Variants in SPTBN5 observed in about 807,000 individuals in gnomAD.
SPTBN5 encodes the protein spectrin beta, non-erythrocytic 5, also known as spectrin beta chain, non-erythrocytic 5.
SPTBN5 carries 513 observed loss-of-function variants against 477.6 expected under a neutral mutation model. That is an observed-to-expected ratio of 1.07 (90% CI 1.00 to 1.16). The LOEUF (loss-of-function observed/expected upper bound fraction) is 1.16. SPTBN5 is among the 50% of genes most tolerant of loss of function. The pLI, the probability that SPTBN5 is intolerant of heterozygous loss-of-function variation, is 0.00. For missense variants in SPTBN5, 5,062 were observed against 4,731.8 expected (o/e 1.07, Z -2.05); for synonymous variants, 2,169 against 2,011.7 (o/e 1.08, Z -2.09).
At chr15:41,893,589 C>T in intron 1 of SPTBN5, 43 bp from the exon 2 acceptor site, 1 of 1,494,370 alleles carries the variant, frequency 6.7e-7, no homozygotes, top group South Asian at 1.3e-5. Flanking sequence ...ATGGAGATGG[C>T]CCCTCTACCA....
At position 41,855,398 on chromosome 15, in the gene SPTBN5, A is replaced by C. The variant is rs746370579; in HGVS notation, c.9249T>G (p.Val3083=). Reference sequence around the variant, plus strand: ...GCAGCAGCTCTGCGTGGGCCTCCCGAACTGCCTGCAGCTGGGCTAGCACCT... The same window carrying C: ...GCAGCAGCTCTGCGTGGGCCTCCCGCACTGCCTGCAGCTGGGCTAGCACCT... The part of the protein sequence containing the change: ...SPKVLAQLQA[V]REAHAELLRR... The change falls in exon 55 of 68, where the codon GTT becomes GTG. Residue 3083 remains valine, a synonymous_variant. Transcript: ENST00000320955. 2.5e-6 allele frequency: 4 copies of C among 1,604,144 alleles called. No homozygotes were observed. The highest frequency in any genetic ancestry group is 3.4e-6 in the Non-Finnish European group (4 of 1,178,872).
At position 41,877,273 on chromosome 15, in the gene SPTBN5, A is replaced by C. The variant is rs1045270209; in HGVS notation, c.3554T>G (p.Val1185Gly). 1.2e-6 allele frequency: 2 copies of C among 1,613,740 alleles called. No homozygotes were observed. Among genetic ancestry groups the C allele is most frequent in the Admixed American group, 3.3e-5 (2 of 59,998 alleles). The change falls in exon 18 of 68, where the codon GTC becomes GGC. Residue 1185 changes from valine (V) to glycine (G), a missense_variant. Val to Gly is a moderately radical substitution (Grantham distance 109). Transcript: ENST00000320955. ...CAGCTCCTGGCCCTGCTGCCCCAGG[A>C]CCCTCAGAGTGTTGGGCACCTCTTG... is the stretch of plus-strand genomic sequence containing the variant. Reference protein sequence around the residue: ...DSQEVPNTLRVLGQQGQELKV... With the variant: ...DSQEVPNTLRGLGQQGQELKV...
chr15:41,861,042 G>A (rs1247464560), intron 46 of SPTBN5, among the ~76,000 whole-genome samples: 1 of 152,264 alleles, frequency 6.6e-6, no homozygotes, highest in Non-Finnish European at 1.5e-5. Context: ...GGAGGACCAT[G>A]TTAGTCCCCA....
chr15:41,858,496 G>A, intron 49 of SPTBN5, 106 bp downstream of exon 49: 1 of 1,360,596 alleles, frequency 7.3e-7, no homozygotes, highest in African/African-American at 1.4e-5. Flanking sequence ...AGAAAGTACT[G>A]GATAACGCTG....
At chr15:41,852,039 T>C (rs938006712) in intron 62 of SPTBN5, 143 bp downstream of exon 62, 6 of 1,081,602 alleles carry the variant, frequency 5.5e-6, no homozygotes, top group East Asian at 2.5e-5. Flanking sequence ...CAGCCATCTT[T>C]ATTCCTAATG....
At chr15:41,887,155 G>A (rs1053329258) in intron 6 of SPTBN5, 58 bp downstream of exon 6, 15 of 1,486,754 alleles carry the variant, frequency 1.0e-5, no homozygotes, top group Admixed American at 2.0e-5. Flanking sequence ...CAGGCTTCAC[G>A]CTTAGGCCTG....
intron 6 of SPTBN5, among the ~76,000 whole-genome samples, chr15:41,886,923 C>A (rs768271463): frequency 1.3e-5 from 2 of 152,248 alleles, no homozygotes; most frequent in Non-Finnish European, 2.9e-5. Context: ...CCATTAGAAG[C>A]TTAATAGCCC....
At chr15:41,861,977 G>A in intron 44 of SPTBN5, 54 bp from the exon 45 acceptor site, 2 of 1,558,734 alleles carry the variant, frequency 1.3e-6, no homozygotes, top group South Asian at 2.3e-5. Flanking sequence ...CCAGCAGGCA[G>A]GAGAGAGGTG....
chr15:41,858,053 T>C (rs1212446020), intron 49 of SPTBN5, among the ~76,000 whole-genome samples: 2 of 152,166 alleles, frequency 1.3e-5, no homozygotes, highest in Non-Finnish European at 2.9e-5. Flanking sequence ...TCCCAGCACT[T>C]TGGGAGGCTG....
chr15:41,893,101 C>CCA (rs374427556), intron 2 of SPTBN5, 40 bp from the exon 3 acceptor site: 1 of 1,597,222 alleles, frequency 6.3e-7, no homozygotes, highest in Admixed American at 1.7e-5. Context: ...TCAGCCCAGC[C>CCA]TCACCTGTCC....
rs1415599489 is a variant in SPTBN5 at position 41,876,550 on chromosome 15, G to A, written c.3949C>T (p.Gln1317Ter). ...GCGACCTGGGCCCAGACCCTCACCT[G>A]GAGCTGGAGGGAAGCCAGCAACTGC... ...RRQLLASLQL[Q>*]EWKQDVAELM... Residue 1317 changes from glutamine (Q) to a stop codon, truncating the protein, a stop_gained and splice_region_variant, in exon 20 of 68, where the codon CAG becomes TAG. Coordinates refer to ENST00000320955, the MANE Select transcript of SPTBN5 (RefSeq NM_016642.4). LOFTEE classifies it high-confidence loss of function. The A allele has an allele frequency of 1.3e-6, 2 of 1,593,482 alleles. No homozygotes were observed. The highest frequency in any genetic ancestry group is 1.8e-5 in the Admixed American group (1 of 57,004).
intron 8 of SPTBN5, 43 bp downstream of exon 8, chr15:41,883,305 C>T (rs1249793677): frequency 1.2e-6 from 2 of 1,608,682 alleles, no homozygotes; most frequent in East Asian, 2.2e-5. Flanking sequence ...GGAAGTCCCC[C>T]ACCTTGCTGT....
Position 41,883,202 on chromosome 15 carries a change from C to T in SPTBN5, c.1686G>A (p.Gly562=), listed in dbSNP as rs1446956948. 6.2e-7 allele frequency: 1 copy of T among 1,611,842 alleles called. No individual in the cohort carries two copies. The highest frequency in any genetic ancestry group is 8.5e-7 in the Non-Finnish European group (1 of 1,179,380). Residue 562 remains glycine, a synonymous_variant, in exon 9 of 68, where the codon GGG becomes GGA. Coordinates refer to ENST00000320955, the MANE Select transcript of SPTBN5 (RefSeq NM_016642.4). ...LQEPARSTAC[G]QQLAEVVELL... is the part of the protein sequence containing the mutation. ...GCTCCACCACTTCTGCCAGCTGCTGCCCACAGGCGGTGGACCTGGCCGGCT... is the reference window on the plus strand; with the variant it reads ...GCTCCACCACTTCTGCCAGCTGCTGTCCACAGGCGGTGGACCTGGCCGGCT...
At position 41,892,878 on chromosome 15, in the gene SPTBN5, T is replaced by C; in HGVS notation, c.384+16A>G. The C allele has an allele frequency of 6.3e-7, 1 of 1,583,874 alleles. No individual in the cohort carries two copies. On this transcript the variant is annotated intron_variant, in intron 3 of 67. Coordinates refer to ENST00000320955, the MANE Select transcript of SPTBN5 (RefSeq NM_016642.4). ...CTGCCCCAGCACCATCCCAGACCCC[T>C]TTCCCTGGGGCCCACCTTGGCCCTG... is the stretch of plus-strand genomic sequence containing the variant.
In SPTBN5 at chr15:41,876,665, G is replaced by GGGGGGGGGC; in HGVS notation, c.3852-19_3852-18insGCCCCCCCC. ...CTCTGACCCTGGAGGGCGGGGGGGG[G>GGGGGGGGGC]TTGGAGGAGGGCATGGGAGAGGACT... is the stretch of plus-strand genomic sequence containing the variant. On this transcript the variant is annotated intron_variant, in intron 19 of 67. Transcript: ENST00000320955. 1.2e-5 allele frequency: 15 copies of GGGGGGGGGC among 1,292,896 alleles called. No homozygotes were observed. Among genetic ancestry groups the GGGGGGGGGC allele is most frequent in the African/African-American group, 1.6e-5 (1 of 63,832 alleles). The allele number at this position is 1,292,896 out of a possible 1,614,324, so 80.1% of individuals were successfully genotyped here.
Position 41,887,921 on chromosome 15 carries a change from G to T in SPTBN5, c.659+7C>A. The T allele has an allele frequency of 6.2e-7, 1 of 1,607,850 alleles. No individual in the cohort carries two copies. The highest frequency in any genetic ancestry group is 8.5e-7 in the Non-Finnish European group (1 of 1,177,538). On this transcript the variant is annotated splice_region_variant and intron_variant, in intron 5 of 67. Transcript: ENST00000320955. ...GCAGAGGCCTCCTGACAAGGGTGGGGTCACACCTGTGGGCATGGATGAGGG... is the reference window on the plus strand; with the variant it reads ...GCAGAGGCCTCCTGACAAGGGTGGGTTCACACCTGTGGGCATGGATGAGGG...
rs371908812 is a variant in SPTBN5, at chr15:41,868,471, C to T, written c.5984G>A (p.Arg1995Gln). 5.8e-5 allele frequency: 94 copies of T among 1,611,184 alleles called. No individual in the cohort carries two copies. The African/African-American group carries it at 6.4e-4, about 11-fold the overall frequency. ...GGTGGCCTGCTGCCACAGCTTCTCC[C>T]GGGCCTCCAGCTCCGCCCGGAGCCA... ...HQWLRAELEAREKLWQQATQL... is the reference protein window; with the variant it reads ...HQWLRAELEAQEKLWQQATQL... The change falls in exon 33 of 68, where the codon CGG becomes CAG. Residue 1995 changes from arginine to glutamine, a missense_variant. Arg to Gln is a conservative substitution (Grantham distance 43, BLOSUM62 1). Coordinates refer to ENST00000320955, the MANE Select transcript of SPTBN5 (RefSeq NM_016642.4).
intron 39 of SPTBN5, among the ~76,000 whole-genome samples, 189 bp downstream of exon 39, chr15:41,865,619 G>C (rs1170326614): frequency 6.6e-6 from 1 of 152,234 alleles, no homozygotes; most frequent in Non-Finnish European, 1.5e-5. Context: ...TTACCTCTGA[G>C]GTGGGTGCTA....
Position 41,877,290 on chromosome 15 carries a change from C to A in SPTBN5, c.3537G>T (p.Val1179=). Residue 1179 remains valine (V), a synonymous_variant, in exon 18 of 68, where the codon GTG becomes GTT. Coordinates refer to ENST00000320955, the MANE Select transcript of SPTBN5 (RefSeq NM_016642.4). ...AALDCPDSQE[V]PNTLRVLGQQ... is the part of the protein sequence containing the mutation. ...GCCCCAGGACCCTCAGAGTGTTGGGCACCTCTTGGGAGTCTGGGCAGTCCA... is the reference window on the plus strand; with the variant it reads ...GCCCCAGGACCCTCAGAGTGTTGGGAACCTCTTGGGAGTCTGGGCAGTCCA... 1 of 1,613,518 alleles carries A rather than the reference C, an allele frequency of 6.2e-7. No individual in the cohort carries two copies. Among genetic ancestry groups the A allele is most frequent in the South Asian group, 1.1e-5 (1 of 90,976 alleles).
Sources: gnomAD v4.1 joint callset for allele counts (sites outside exome capture counted in the v4.1 genomes callset) on GRCh38, gnomAD v4.1.1 for gene constraint, MANE v1.5 for transcripts, NCBI Gene and HGNC (gene_info 2026-07-23, HGNC 2026-07-21) for gene names.